The following ENPP2 variants were observed in gnomAD, a reference collection of about 807,000 sequenced individuals.
ENPP2 encodes the protein ectonucleotide pyrophosphatase/phosphodiesterase 2, also known as autotaxin.
A neutral mutation model predicts 120.2 loss-of-function variants in ENPP2; 51 were observed. That is an observed-to-expected ratio of 0.42 (90% CI 0.34 to 0.54). The LOEUF (loss-of-function observed/expected upper bound fraction) is 0.54. Ranked by LOEUF, ENPP2 falls within the 20% of genes least tolerant of loss-of-function variation. ENPP2 has a pLI of 0.04. For missense variants in ENPP2, 920 were observed against 1,066.5 expected (o/e 0.86, Z 1.91); for synonymous variants, 365 against 366.4 (o/e 1.00, Z 0.04).
At chr8:119,618,653 C>A (rs1024576136) in intron 5 of ENPP2, among the ~76,000 whole-genome samples, 1 of 151,730 alleles carries the variant, frequency 6.6e-6, no homozygotes, top group African/African-American at 2.4e-5. Flanking sequence ...GATTCTCATG[C>A]CTCTGCCTCC....
At chr8:119,599,647 G>A (rs1814145782) in intron 11 of ENPP2, among the ~76,000 whole-genome samples, 1 of 152,122 alleles carries the variant, frequency 6.6e-6, no homozygotes, top group Non-Finnish European at 1.5e-5. Context: ...TTCTGAATTT[G>A]AAATTATACT....
chr8:119,564,689 T>A (rs559634701), intron 23 of ENPP2, 134 bp downstream of exon 23: 3,824 of 327,334 alleles, frequency 0.012, 137 homozygotes, highest in African/African-American at 0.072. Flanking sequence ...AAAAAATATA[T>A]ATATATATAT....
At chr8:119,659,335 A>C (rs993602181) in intron 1 of ENPP2, among the ~76,000 whole-genome samples, 1 of 96,042 alleles carries the variant, frequency 1.0e-5, no homozygotes, top group Non-Finnish European at 2.4e-5. Context: ...AAAAAAAAAA[A>C]AACCAGAGTT....
intron 1 of ENPP2, among the ~76,000 whole-genome samples, chr8:119,664,888 CCAAAACAAAAA>C (rs1289209126): frequency 6.6e-6 from 1 of 152,006 alleles, no homozygotes; most frequent in Non-Finnish European, 1.5e-5. Flanking sequence ...TTGCAGTGAG[CCAAAACAAAAA>C]CAAAACAATA....
At chr8:119,596,376 T>C (rs1587429607) in intron 11 of ENPP2, among the ~76,000 whole-genome samples, 1 of 152,202 alleles carries the variant, frequency 6.6e-6, no homozygotes. Context: ...TCTCCATTTA[T>C]AAAGAACTAA....
chr8:119,649,107 T>A (rs559066613), intron 1 of ENPP2, among the ~76,000 whole-genome samples: 1 of 151,966 alleles, frequency 6.6e-6, no homozygotes, highest in Non-Finnish European at 1.5e-5. Flanking sequence ...GAAAATTGCA[T>A]TTATGGCCGG....
At chr8:119,595,750 TA>T in intron 11 of ENPP2, 1 of 1,234,374 alleles carries the variant, frequency 8.1e-7, no homozygotes, top group South Asian at 1.4e-5. Context: ...AGAGTTTTTC[TA>T]AAACTTGCTC....
intron 7 of ENPP2, 88 bp from the exon 8 acceptor site, chr8:119,616,472 GT>G: frequency 1.0e-6 from 1 of 956,234 alleles, no homozygotes; most frequent in Non-Finnish European, 1.5e-6. Flanking sequence ...AGCATAGAAG[GT>G]TTTATAGCAA....
intron 7 of ENPP2, 134 bp downstream of exon 7, chr8:119,617,030 C>T (rs538647070): frequency 4.7e-6 from 3 of 640,930 alleles, no homozygotes; most frequent in African/African-American, 3.7e-5. Context: ...GAACAAATGA[C>T]CCAGTTAAGA....
At chr8:119,633,441 G>C (rs1816801002) in intron 2 of ENPP2, among the ~76,000 whole-genome samples, 2 of 152,028 alleles carry the variant, frequency 1.3e-5, no homozygotes, top group Non-Finnish European at 2.9e-5. Flanking sequence ...TACCAGCTGT[G>C]GTTATACCAG....
At chr8:119,633,655 A>G (rs1358289210) in intron 2 of ENPP2, among the ~76,000 whole-genome samples, 1 of 151,890 alleles carries the variant, frequency 6.6e-6, no homozygotes, top group Non-Finnish European at 1.5e-5. Context: ...TGAATTTGCC[A>G]TTTTTTATTG....
At chr8:119,605,272 A>C (rs1814624864) in intron 9 of ENPP2, among the ~76,000 whole-genome samples, 2 of 151,830 alleles carry the variant, frequency 1.3e-5, no homozygotes, top group South Asian at 4.2e-4. Flanking sequence ...GGGTTTTGCC[A>C]TGTTGCCCAG....
chr8:119,575,726 G>T (rs755175), intron 19 of ENPP2, among the ~76,000 whole-genome samples: 3 of 151,930 alleles, frequency 2.0e-5, no homozygotes, highest in Non-Finnish European at 4.4e-5. Context: ...ATGTGAAGTG[G>T]CTTGTTTAGT....
chr8:119,665,646 AT>A (rs1242971867), intron 1 of ENPP2, among the ~76,000 whole-genome samples: 1 of 152,240 alleles, frequency 6.6e-6, no homozygotes, highest in African/African-American at 2.4e-5. Context: ...TTGTTGACAC[AT>A]TTCCAAATTG....
intron 11 of ENPP2, 137 bp downstream of exon 11, chr8:119,600,541 C>G: frequency 3.6e-6 from 2 of 560,928 alleles, no homozygotes. Flanking sequence ...AATTTTTAGT[C>G]TTGTAGTTAT....
At chr8:119,621,314 A>G in intron 4 of ENPP2, 80 bp downstream of exon 4, 3 of 1,290,606 alleles carry the variant, frequency 2.3e-6, no homozygotes, top group Non-Finnish European at 3.4e-6. Context: ...AGTGTGGTCT[A>G]TTCCTAGCAT....
At position 119,673,141 on chromosome 8, in the gene ENPP2, T is replaced by G. The variant is rs564583033; in HGVS notation, c.21+111A>C. Reference sequence around the variant, plus strand: ...GGGAACACAGCCCAACAGGGACTGCTTTCCGGCAAACCTGGAGGCCCTTTG... The same window carrying G: ...GGGAACACAGCCCAACAGGGACTGCGTTCCGGCAAACCTGGAGGCCCTTTG... On this transcript the variant is annotated intron_variant, in intron 1 of 25. Coordinates refer to the ENPP2 transcript ENST00000427067. 62 of 938,450 alleles carry G rather than the reference T, an allele frequency of 6.6e-5. No homozygotes were observed. The East Asian group carries it at 1.5e-3, about 23-fold the overall frequency. The allele number at this position is 938,450 out of a possible 1,614,324, so 58.1% of individuals were successfully genotyped here. A position where few individuals can be genotyped will look rare whatever the true frequency, so the allele number is the denominator to read the frequency against.
chr8:119,594,929 G>T (rs1813783292), intron 11 of ENPP2, among the ~76,000 whole-genome samples: 1 of 152,170 alleles, frequency 6.6e-6, no homozygotes. Context: ...GGGAAATCAG[G>T]TGTAAACTTT....
At chr8:119,586,464 C>T in intron 14 of ENPP2, 151 bp from the exon 15 acceptor site, 2 of 665,012 alleles carry the variant, frequency 3.0e-6, no homozygotes, top group South Asian at 2.0e-5. Flanking sequence ...ATAATGTATG[C>T]TGAAAACAAA....
Sources: gnomAD v4.1 joint callset for allele counts (sites outside exome capture counted in the v4.1 genomes callset) on GRCh38, gnomAD v4.1.1 for gene constraint, MANE v1.5 for transcripts, NCBI Gene and HGNC (gene_info 2026-07-23, HGNC 2026-07-21) for gene names.